Variants in ULK4 observed in about 807,000 individuals in gnomAD.
ULK4 encodes inactive serine/threonine-protein kinase ULK4.
In ULK4, 133 loss-of-function variants were observed where a neutral mutation model predicts 160.6. That is an observed-to-expected ratio of 0.83 (90% CI 0.72 to 0.96). The LOEUF (loss-of-function observed/expected upper bound fraction) is 0.96. ULK4 is among the 40% of genes least tolerant of loss of function. The pLI is 0.00. For missense variants in ULK4, 1,580 were observed against 1,499.5 expected (o/e 1.05, Z -0.89); for synonymous variants, 534 against 539.8 (o/e 0.99, Z 0.15).
chr3:41,472,433 G>A (rs1214440074), intron 32 of ULK4, among the ~76,000 whole-genome samples: 1 of 152,056 alleles, frequency 6.6e-6, no homozygotes, highest in Non-Finnish European at 1.5e-5. Flanking sequence ...GCCAGGTGTG[G>A]TGGTGCATGC....
intron 18 of ULK4, among the ~76,000 whole-genome samples, chr3:41,829,618 T>G (rs1317832771): frequency 6.6e-6 from 1 of 152,134 alleles, no homozygotes; most frequent in Non-Finnish European, 1.5e-5. Context: ...CCAGTTAGAA[T>G]GGCAATCATT....
intron 35 of ULK4, among the ~76,000 whole-genome samples, chr3:41,333,847 T>C (rs1197625136): frequency 6.6e-6 from 1 of 152,184 alleles, no homozygotes; most frequent in Non-Finnish European, 1.5e-5. Flanking sequence ...TCAGTTAGTC[T>C]GGACTGTGGC....
chr3:41,508,586 T>A (rs775614254), intron 32 of ULK4, among the ~76,000 whole-genome samples: 3 of 152,042 alleles, frequency 2.0e-5, no homozygotes, highest in Non-Finnish European at 4.4e-5. Context: ...CCCTGCTACC[T>A]CCACCAGAGG....
intron 30 of ULK4, among the ~76,000 whole-genome samples, chr3:41,652,389 G>A (rs2034777800): frequency 6.6e-6 from 1 of 152,182 alleles, no homozygotes; most frequent in East Asian, 1.9e-4. Flanking sequence ...TACTGGAGTG[G>A]ATGGAGATAA....
chr3:41,894,236 A>G (rs1420201629), intron 16 of ULK4, among the ~76,000 whole-genome samples: 1 of 152,218 alleles, frequency 6.6e-6, no homozygotes, highest in Non-Finnish European at 1.5e-5. Context: ...TGTTTAAATA[A>G]GTATTTCATT....
intron 34 of ULK4, among the ~76,000 whole-genome samples, chr3:41,448,821 C>A (rs2083363738): frequency 6.6e-6 from 1 of 152,146 alleles, no homozygotes; most frequent in South Asian, 2.1e-4. Context: ...TTGGCTTGGG[C>A]AATTGAGTGG....
chr3:41,262,630 G>A (rs191311457), intron 35 of ULK4, among the ~76,000 whole-genome samples: 6 of 152,176 alleles, frequency 3.9e-5, no homozygotes, highest in Admixed American at 1.3e-4. Flanking sequence ...AGTAACATGC[G>A]GAGGATTTGA....
At chr3:41,677,055 C>T (rs1320909764) in intron 29 of ULK4, among the ~76,000 whole-genome samples, 1 of 151,666 alleles carries the variant, frequency 6.6e-6, no homozygotes, top group Non-Finnish European at 1.5e-5. Flanking sequence ...TACAGGTATG[C>T]ACCACCACGC....
intron 31 of ULK4, among the ~76,000 whole-genome samples, chr3:41,609,896 C>G (rs1177820119): frequency 1.3e-5 from 2 of 151,898 alleles, no homozygotes; most frequent in Non-Finnish European, 2.9e-5. Flanking sequence ...ATCACTTGAG[C>G]CCAGGAGTTT....
chr3:41,631,010 C>G (rs1001901487), intron 30 of ULK4, among the ~76,000 whole-genome samples: 5 of 152,170 alleles, frequency 3.3e-5, no homozygotes, highest in Admixed American at 2.6e-4. Context: ...TAACATCAAG[C>G]TGAATTTCAA....
chr3:41,879,769 C>T (rs1559625284), intron 17 of ULK4, among the ~76,000 whole-genome samples: 4 of 152,130 alleles, frequency 2.6e-5, no homozygotes, highest in South Asian at 4.1e-4. Flanking sequence ...TGAGTCACCA[C>T]GCCCAGCTGA....
chr3:41,651,804 G>A (rs527914021), intron 30 of ULK4, among the ~76,000 whole-genome samples: 38 of 152,278 alleles, frequency 2.5e-4, no homozygotes, highest in African/African-American at 8.7e-4. Context: ...AATTAGTGTT[G>A]ATTGTAGCCC....
At chr3:41,638,561 C>T (rs2034053584) in intron 30 of ULK4, among the ~76,000 whole-genome samples, 1 of 152,180 alleles carries the variant, frequency 6.6e-6, no homozygotes, top group Non-Finnish European at 1.5e-5. Context: ...TTAAGTGATA[C>T]CACATGTTTG....
At chr3:41,461,272 G>T (rs1414104857) in intron 33 of ULK4, among the ~76,000 whole-genome samples, 1 of 152,182 alleles carries the variant, frequency 6.6e-6, no homozygotes, top group Non-Finnish European at 1.5e-5. Flanking sequence ...GCTCTTATTA[G>T]AAATAGATAC....
At chr3:41,831,422 T>G (rs2041581079) in intron 18 of ULK4, among the ~76,000 whole-genome samples, 1 of 150,016 alleles carries the variant, frequency 6.7e-6, no homozygotes, top group South Asian at 2.1e-4. Context: ...CTAGTCGTTT[T>G]TTTTTTTTTT....
chr3:41,294,676 G>A (rs1312864921), intron 35 of ULK4, among the ~76,000 whole-genome samples: 1 of 152,026 alleles, frequency 6.6e-6, no homozygotes, highest in South Asian at 2.1e-4. Flanking sequence ...GCCAAAAATG[G>A]CCTCTCTCAC....
chr3:41,744,592 A>G (rs907333572), intron 22 of ULK4, among the ~76,000 whole-genome samples: 2 of 151,952 alleles, frequency 1.3e-5, no homozygotes, highest in Non-Finnish European at 1.5e-5. Context: ...TGAAAAGAGA[A>G]ACAGATAAAG....
At chr3:41,644,589 G>A (rs1427913946) in intron 30 of ULK4, among the ~76,000 whole-genome samples, 2 of 151,232 alleles carry the variant, frequency 1.3e-5, no homozygotes, top group Non-Finnish European at 2.9e-5. Context: ...GCTGGATTCG[G>A]TTTGCCAGTA....
chr3:41,506,767 A>AAAAAAAAAAAAAAAAAAATAT lies in ULK4; in HGVS notation c.3227-43515_3227-43514insATATTTTTTTTTTTTTTTTTT. On this transcript the variant is annotated intron_variant, in intron 32 of 36. Coordinates refer to ENST00000301831, the MANE Select transcript of ULK4 (RefSeq NM_017886.4). Reference sequence around the variant, plus strand: ...AGCAATACACTGGAGTGTGATTTAAAATATATATATATATATATATATATA... The same window carrying AAAAAAAAAAAAAAAAAAATAT: ...AGCAATACACTGGAGTGTGATTTAAAAAAAAAAAAAAAAAAAAATATATATATATATATATATATATATATA... 6.7e-4 allele frequency among the ~76,000 whole-genome samples: 38 copies of AAAAAAAAAAAAAAAAAAATAT among 56,792 alleles called. 1 individual carries two copies. Among genetic ancestry groups the AAAAAAAAAAAAAAAAAAATAT allele is most frequent in the Non-Finnish European group, 7.5e-4 (24 of 31,982 alleles). The allele number at this position is 56,792 out of a possible 152,430, so 37.3% of individuals were successfully genotyped here.
Sources: gnomAD v4.1 joint callset for allele counts (sites outside exome capture counted in the v4.1 genomes callset) on GRCh38, gnomAD v4.1.1 for gene constraint, MANE v1.5 for transcripts, NCBI Gene and HGNC (gene_info 2026-07-23, HGNC 2026-07-21) for gene names.